PDZRN4: variants seen among roughly 807,000 people sequenced by gnomAD.
PDZRN4 encodes PDZ domain-containing RING finger protein 4.
In PDZRN4, 70 loss-of-function variants were observed where a neutral mutation model predicts 99.0. The observed-to-expected ratio is 0.71, with a 90% confidence interval of 0.58 to 0.86. The LOEUF is 0.86. PDZRN4 is among the 40% of genes least tolerant of loss of function. PDZRN4 has a pLI of 0.00. For missense variants in PDZRN4, 1,474 were observed against 1,331.2 expected (o/e 1.11, Z -1.67); for synonymous variants, 551 against 501.6 (o/e 1.10, Z -1.32).
intron 5 of PDZRN4, among the ~76,000 whole-genome samples, chr12:41,532,940 TTATTGGGGATAATGG>T (rs1938684713): frequency 6.6e-6 from 1 of 152,132 alleles, no homozygotes; most frequent in Non-Finnish European, 1.5e-5. Context: ...TTTTTTGCAT[TTATTGGGGATAATGG>T]TCTATAACTA....
chr12:41,527,013 G>C (rs779612389), intron 5 of PDZRN4, among the ~76,000 whole-genome samples: 1 of 152,192 alleles, frequency 6.6e-6, no homozygotes, highest in African/African-American at 2.4e-5. Context: ...ATAAGGCACT[G>C]TCTTCTGTTA....
intron 3 of PDZRN4, among the ~76,000 whole-genome samples, chr12:41,452,418 G>A (rs556150736): frequency 2.1e-5 from 3 of 145,458 alleles, no homozygotes; most frequent in Admixed American, 1.4e-4. Flanking sequence ...CAGCCTGGGC[G>A]ACAAAGTGAG....
chr12:41,402,115 GTATATATA>G (rs56031225), intron 3 of PDZRN4, among the ~76,000 whole-genome samples: 1,057 of 25,494 alleles, frequency 0.041, 7 homozygotes, highest in Non-Finnish European at 0.049. Flanking sequence ...TACACACTGA[GTATATATA>G]TATATATATA....
At chr12:41,561,479 G>A (rs1305883740) in intron 7 of PDZRN4, among the ~76,000 whole-genome samples, 1 of 150,956 alleles carries the variant, frequency 6.6e-6, no homozygotes, top group African/African-American at 2.4e-5. Flanking sequence ...TTTTAAGATA[G>A]CAAACTTAAT....
At chr12:41,300,438 G>C (rs1167614264) in intron 3 of PDZRN4, among the ~76,000 whole-genome samples, 1 of 151,892 alleles carries the variant, frequency 6.6e-6, no homozygotes, top group Non-Finnish European at 1.5e-5. Flanking sequence ...ATTATATTTT[G>C]AGATATATAT....
chr12:41,435,575 T>C (rs1312534019), intron 3 of PDZRN4, among the ~76,000 whole-genome samples: 1 of 152,068 alleles, frequency 6.6e-6, no homozygotes, highest in Non-Finnish European at 1.5e-5. Flanking sequence ...GATCACGAGG[T>C]CAGGAGATCG....
At chr12:41,342,564 A>G (rs1052685947) in intron 3 of PDZRN4, among the ~76,000 whole-genome samples, 1 of 64,298 alleles carries the variant, frequency 1.6e-5, no homozygotes, top group Non-Finnish European at 3.7e-5. Context: ...ATTTCCCAAA[A>G]GAAGACAAAC....
At chr12:41,257,880 A>G (rs1951214027) in intron 3 of PDZRN4, among the ~76,000 whole-genome samples, 1 of 152,202 alleles carries the variant, frequency 6.6e-6, no homozygotes, top group African/African-American at 2.4e-5. Flanking sequence ...GCCTGTTTAT[A>G]TATTTAACAG....
chr12:41,209,756 T>C (rs1433392099), intron 3 of PDZRN4, among the ~76,000 whole-genome samples: 5 of 149,106 alleles, frequency 3.4e-5, no homozygotes, highest in South Asian at 2.2e-4. Context: ...TTGTTGGACA[T>C]TTGGGTTGGT....
At chr12:41,216,736 T>A (rs923331110) in intron 3 of PDZRN4, among the ~76,000 whole-genome samples, 5 of 152,080 alleles carry the variant, frequency 3.3e-5, no homozygotes, top group Non-Finnish European at 5.9e-5. Flanking sequence ...ATTTGATTAA[T>A]CATCTGATTA....
chr12:41,497,638 A>C (rs1364514694), intron 3 of PDZRN4, among the ~76,000 whole-genome samples: 1 of 152,154 alleles, frequency 6.6e-6, no homozygotes, highest in African/African-American at 2.4e-5. Flanking sequence ...GAACTCCCAC[A>C]ATTAGCCAGG....
At chr12:41,283,760 A>C (rs982176432) in intron 3 of PDZRN4, among the ~76,000 whole-genome samples, 1 of 152,218 alleles carries the variant, frequency 6.6e-6, no homozygotes, top group African/African-American at 2.4e-5. Context: ...GACAAAAATC[A>C]CGTGATTATT....
chr12:41,211,015 G>A (rs1950884557), intron 3 of PDZRN4, among the ~76,000 whole-genome samples: 1 of 151,888 alleles, frequency 6.6e-6, no homozygotes, highest in South Asian at 2.1e-4. Flanking sequence ...CAGTTGTATA[G>A]ATAATTTATA....
intron 3 of PDZRN4, among the ~76,000 whole-genome samples, chr12:41,336,246 G>T (rs976146919): frequency 1.3e-5 from 2 of 152,116 alleles, no homozygotes; most frequent in Non-Finnish European, 1.5e-5. Context: ...AATAAAGAGA[G>T]GTTGCTAAGT....
intron 3 of PDZRN4, among the ~76,000 whole-genome samples, chr12:41,294,237 G>A (rs948719843): frequency 4.6e-5 from 7 of 152,130 alleles, no homozygotes; most frequent in African/African-American, 1.7e-4. Context: ...CTGGGTGCAA[G>A]TCCTGCCTTT....
intron 3 of PDZRN4, among the ~76,000 whole-genome samples, chr12:41,370,714 A>G (rs1048669138): frequency 1.3e-5 from 2 of 151,896 alleles, no homozygotes; most frequent in East Asian, 1.9e-4. Context: ...TAAACCATGC[A>G]TATCTTGGTC....
chr12:41,430,315 A>T (rs190990544), intron 3 of PDZRN4, among the ~76,000 whole-genome samples: 17 of 152,216 alleles, frequency 1.1e-4, no homozygotes, highest in Non-Finnish European at 2.4e-4. Context: ...CTAAAAATAC[A>T]AAAATTAGCT....
chr12:41,379,251 G>GTTTTTTTTTTTTTTTTTTTTT (rs57466011), intron 3 of PDZRN4, among the ~76,000 whole-genome samples: 1 of 131,012 alleles, frequency 7.6e-6, no homozygotes, highest in Non-Finnish European at 1.6e-5. Flanking sequence ...TCTATTTTCT[G>GTTTTTTTTTTTTTTTTTTTTT]TTTTTTTTTT....
In PDZRN4 at chr12:41,535,001, C is replaced by T. The variant is rs560723835; in HGVS notation, c.1204-17655C>T. Among the ~76,000 whole-genome samples the T allele has an allele frequency of 2.6e-5, 4 of 151,962 alleles. No homozygotes were observed. The South Asian group carries it at 8.3e-4, about 32-fold the overall frequency. On this transcript the variant is annotated intron_variant, in intron 5 of 9. Coordinates refer to ENST00000402685, the MANE Select transcript of PDZRN4 (RefSeq NM_001164595.2). Reference sequence around the variant, plus strand: ...ACTAATTTCCAGTTGAGTAATTTCCCTCCTCAGGTATGTCCAACCTGTGGT... The same window carrying T: ...ACTAATTTCCAGTTGAGTAATTTCCTTCCTCAGGTATGTCCAACCTGTGGT...
Sources: allele counts gnomAD v4.1 joint callset (sites outside exome capture counted in the v4.1 genomes callset), GRCh38; gene constraint gnomAD v4.1.1; transcripts MANE v1.5; gene names NCBI Gene and HGNC (gene_info 2026-07-23, HGNC 2026-07-21).